Variants in OPTN observed in about 807,000 individuals in gnomAD.
The protein encoded by OPTN is E3-14.7K-interacting protein.
OPTN carries 54 observed loss-of-function variants against 70.4 expected under a neutral mutation model. The observed-to-expected ratio is 0.77, with a 90% confidence interval of 0.62 to 0.96. The LOEUF (loss-of-function observed/expected upper bound fraction) is 0.96. Among genes scored for constraint, OPTN ranks in the 40% least tolerant of loss-of-function variants. The pLI, the probability that OPTN is intolerant of heterozygous loss-of-function variation, is 0.00. For missense variants in OPTN, 624 were observed against 673.2 expected (o/e 0.93, Z 0.81); for synonymous variants, 256 against 248.5 (o/e 1.03, Z -0.28).
chr10:13,109,142 G>A lies in OPTN; in HGVS notation c.20G>A (p.Ser7Asn), dbSNP rs370370788. Reference sequence around the variant, plus strand: ...TCTGCAATGTCCCATCAACCTCTCAGCTGCCTCACTGAAAAGGAGGACAGC... The same window carrying A: ...TCTGCAATGTCCCATCAACCTCTCAACTGCCTCACTGAAAAGGAGGACAGC... MSHQPL[S>N]CLTEKEDSPS... Residue 7 changes from serine to asparagine, a missense_variant, in exon 3 of 15, where the codon AGC (serine) becomes AAC (asparagine). Transcript: ENST00000378747. 7 of 1,613,866 alleles carry A rather than the reference G, an allele frequency of 4.3e-6. No individual in the cohort carries two copies. In the African/African-American group the frequency reaches 5.3e-5, roughly 12 times the overall value.
chr10:13,136,433 G>C (rs754291435), intron 14 of OPTN, among the ~76,000 whole-genome samples: 8 of 149,470 alleles, frequency 5.4e-5, no homozygotes, highest in Admixed American at 1.3e-4. Flanking sequence ...ACTTGAACCT[G>C]GGAGGCGGAG....
intron 2 of OPTN, among the ~76,000 whole-genome samples, chr10:13,108,793 G>A (rs1294358826): frequency 2.0e-5 from 3 of 152,056 alleles, no homozygotes; most frequent in Non-Finnish European, 2.9e-5. Context: ...TGATCTGTCC[G>A]CCTCGGCCTC....
At chr10:13,121,018 C>G (rs375515746) in intron 7 of OPTN, among the ~76,000 whole-genome samples, 3 of 152,146 alleles carry the variant, frequency 2.0e-5, no homozygotes, top group African/African-American at 7.2e-5. Flanking sequence ...AGAACTCACT[C>G]ACTATCACGA....
intron 13 of OPTN, among the ~76,000 whole-genome samples, chr10:13,133,112 C>T (rs184086870): frequency 6.6e-6 from 1 of 152,228 alleles, no homozygotes; most frequent in Non-Finnish European, 1.5e-5. Flanking sequence ...ATATTGATTT[C>T]TCTGTGTTTA....
intron 13 of OPTN, among the ~76,000 whole-genome samples, 187 bp from the exon 14 acceptor site, chr10:13,133,315 G>C (rs1257964711): frequency 1.3e-5 from 2 of 151,920 alleles, no homozygotes; most frequent in Admixed American, 6.6e-5. Flanking sequence ...TTTTTTAACT[G>C]TAATTATTTA....
At position 13,127,640 on chromosome 10, in the gene OPTN, C is replaced by G. The variant is rs1365525098; in HGVS notation, c.1243-105C>G. On this transcript the variant is annotated intron_variant, in intron 11 of 14. Coordinates refer to ENST00000378747, the MANE Select transcript of OPTN (RefSeq NM_001008212.2). ...TCAATTCTAGGCATGAGCCACCACA[C>G]CCGGCCAGAGCTGATAATTAAAAAA... is the stretch of plus-strand genomic sequence containing the variant. 7 of 1,289,206 alleles carry G rather than the reference C, an allele frequency of 5.4e-6. No individual in the cohort carries two copies. The East Asian group carries it at 1.5e-4, about 28-fold the overall frequency. 79.9% of individuals were successfully genotyped at this position (1,289,206 alleles called of 1,614,324 possible).
chr10:13,126,730 T>A (rs887847238), intron 11 of OPTN, among the ~76,000 whole-genome samples: 1 of 151,998 alleles, frequency 6.6e-6, no homozygotes, highest in Non-Finnish European at 1.5e-5. Flanking sequence ...GCCTGCAGTT[T>A]AAATTCATAA....
At chr10:13,110,817 A>G (rs1388792400) in intron 4 of OPTN, among the ~76,000 whole-genome samples, 1 of 152,206 alleles carries the variant, frequency 6.6e-6, no homozygotes, top group Non-Finnish European at 1.5e-5. Context: ...TCTTTGATAT[A>G]AAAAATATGT....
Position 13,114,767 on chromosome 10 carries a change from T to TAATTATATAATTATAC in OPTN, c.553-1485_553-1484insCAATTATATAATTATA, listed in dbSNP as rs1183148769. ...TTCTACAATTATATAATTGCATATA[T>TAATTATATAATTATAC]AATTATATAATTATATAATTATATA... is the stretch of plus-strand genomic sequence containing the variant. On this transcript the variant is annotated intron_variant, in intron 5 of 14. Transcript: ENST00000378747. Among the ~76,000 whole-genome samples the TAATTATATAATTATAC allele has an allele frequency of 7.9e-5, 5 of 62,914 alleles. 1 individual carries two copies. The highest frequency in any genetic ancestry group is 1.5e-4 in the Non-Finnish European group (5 of 34,472). 41.3% of individuals were successfully genotyped at this position (62,914 alleles called of 152,430 possible). A position where few individuals can be genotyped will look rare whatever the true frequency, so the allele number is the denominator to read the frequency against.
chr10:13,112,545 G>A lies in OPTN; in HGVS notation c.462G>A (p.Lys154=). ...RTQVVRLQAE[K]ADLLGIVSEL... ...AGGTGGTGAGGCTACAAGCAGAGAA[G>A]GCAGACCTGTTGGGCATCGTGTCTG... Residue 154 remains lysine, a synonymous_variant, in exon 5 of 15, where the codon AAG becomes AAA. Coordinates refer to ENST00000378747, the MANE Select transcript of OPTN (RefSeq NM_001008212.2). 6.2e-7 allele frequency: 1 copy of A among 1,614,164 alleles called. No individual in the cohort carries two copies. The highest frequency in any genetic ancestry group is 8.5e-7 in the Non-Finnish European group (1 of 1,180,030).
Position 13,110,469 on chromosome 10 carries a change from C to A in OPTN, c.362C>A (p.Ser121Ter). The A allele has an allele frequency of 1.2e-6, 2 of 1,612,394 alleles. No individual in the cohort carries two copies. Among genetic ancestry groups the A allele is most frequent in the South Asian group, 2.2e-5 (2 of 90,906 alleles). The change falls in exon 4 of 15, where the codon TCA becomes TAA. Residue 121 changes from serine (S) to a stop codon, truncating the protein, a stop_gained. Transcript: ENST00000378747. LOFTEE classifies it high-confidence loss of function. ...LGKLKGKSER[S>*]SEDPTDDSRL... ...AAACTAAAAGGGAAATCAGAAAGGT[C>A]ATCTGAGGTGAGCAGACCGATCCAT...
intron 5 of OPTN, among the ~76,000 whole-genome samples, chr10:13,114,019 A>G (rs1833067469): frequency 6.6e-6 from 1 of 152,038 alleles, no homozygotes; most frequent in African/African-American, 2.4e-5. Context: ...GTGTGCCATG[A>G]TTGTGCCGCT....
intron 9 of OPTN, 114 bp from the exon 10 acceptor site, chr10:13,125,304 A>C: frequency 8.5e-7 from 1 of 1,170,152 alleles, no homozygotes; most frequent in Non-Finnish European, 1.3e-6. Flanking sequence ...TTTTGCATTC[A>C]TAAACCCTAC....
chr10:13,136,505 C>CAAAAAAAAA, intron 14 of OPTN, among the ~76,000 whole-genome samples: 4 of 72,862 alleles, frequency 5.5e-5, no homozygotes, highest in Middle Eastern at 0.014. Flanking sequence ...GACTCCGTCT[C>CAAAAAAAAA]AAAAAAAAAA....
At chr10:13,124,662 C>T (rs564016621) in intron 9 of OPTN, among the ~76,000 whole-genome samples, 3 of 152,256 alleles carry the variant, frequency 2.0e-5, no homozygotes, top group South Asian at 2.1e-4. Flanking sequence ...TAGCACAATA[C>T]GGAGGTGTGT....
chr10:13,104,634 T>A, intron 1 of OPTN: 1 of 687,656 alleles, frequency 1.5e-6, no homozygotes, highest in Non-Finnish European at 2.8e-6. Context: ...ATTCCAGTAT[T>A]GTTCTGTTGC....
Position 13,136,505 on chromosome 10 carries a change from CAAAAAAAA to C in OPTN, c.1613-223_1613-216del, listed in dbSNP as rs71386161. ...CCTGGGTGACAGCGAGACTCCGTCT[CAAAAAAAA>C]AAAAAAAAAAAAAAAATCCTAAAAT... On this transcript the variant is annotated intron_variant, in intron 14 of 14. Transcript: ENST00000378747. 2.3e-3 allele frequency among the ~76,000 whole-genome samples: 167 copies of C among 72,870 alleles called. 2 individuals are homozygous for C. The highest frequency in any genetic ancestry group is 8.6e-3 in the African/African-American group (160 of 18,628). The allele number at this position is 72,870 out of a possible 152,430, so 47.8% of individuals were successfully genotyped here. A position where few individuals can be genotyped will look rare whatever the true frequency, so the allele number is the denominator to read the frequency against.
At chr10:13,132,617 G>A (rs1044801536) in intron 13 of OPTN, among the ~76,000 whole-genome samples, 4 of 152,130 alleles carry the variant, frequency 2.6e-5, no homozygotes, top group African/African-American at 9.6e-5. Flanking sequence ...CCTGAGCTCA[G>A]GTGATCCTCG....
At chr10:13,130,424 C>CAAAAAAAAAAA (rs1178080754) in intron 12 of OPTN, among the ~76,000 whole-genome samples, 2 of 51,756 alleles carry the variant, frequency 3.9e-5, no homozygotes, top group African/African-American at 7.9e-5. Context: ...GACTCTATCT[C>CAAAAAAAAAAA]AAAAAAAAAA....
Sources: gnomAD v4.1 joint callset for allele counts (sites outside exome capture counted in the v4.1 genomes callset) on GRCh38, gnomAD v4.1.1 for gene constraint, MANE v1.5 for transcripts, NCBI Gene and HGNC (gene_info 2026-07-23, HGNC 2026-07-21) for gene names.